TNRC18: variants seen among roughly 807,000 people sequenced by gnomAD.
TNRC18 encodes the protein trinucleotide repeat-containing gene 18 protein.
TNRC18 carries 69 observed loss-of-function variants against 226.7 expected under a neutral mutation model. That is an observed-to-expected ratio of 0.30 (90% CI 0.25 to 0.37). The LOEUF (loss-of-function observed/expected upper bound fraction) is 0.37, where lower values mean the gene tolerates loss of function less well. Among genes scored for constraint, TNRC18 ranks in the 10% least tolerant of loss-of-function variants. The pLI is 1.00. For synonymous variants in TNRC18, 2,449 were observed against 1,927.6 expected (o/e 1.27, Z -7.09); for missense variants, 4,754 against 4,256.6 (o/e 1.12, Z -3.25).
chr7:5,320,290 G>C (rs1354414419), intron 24 of TNRC18, 28 bp downstream of exon 24: 1 of 1,521,938 alleles, frequency 6.6e-7, no homozygotes, highest in Admixed American at 2.0e-5. Flanking sequence ...TTAGGCGGCA[G>C]GGGAGAGCTG....
chr7:5,380,768 C>A (rs1346390145), intron 5 of TNRC18, among the ~76,000 whole-genome samples: 1 of 152,166 alleles, frequency 6.6e-6, no homozygotes, highest in Non-Finnish European at 1.5e-5. Context: ...TCAGGCAGGA[C>A]TGGGGCAACG....
chr7:5,379,095 G>A (rs1779212661), intron 5 of TNRC18, among the ~76,000 whole-genome samples: 1 of 152,084 alleles, frequency 6.6e-6, no homozygotes, highest in Non-Finnish European at 1.5e-5. Flanking sequence ...TACTCAGGAG[G>A]CTGAGGCAGG....
chr7:5,360,265 C>G (rs1792900279), intron 14 of TNRC18, among the ~76,000 whole-genome samples: 1 of 151,908 alleles, frequency 6.6e-6, no homozygotes, highest in African/African-American at 2.4e-5. Flanking sequence ...GAGTCTCACT[C>G]TGTTGCCAGG....
In TNRC18 at chr7:5,312,865, C is replaced by A; in HGVS notation, c.8026G>T (p.Asp2676Tyr). 6.5e-7 allele frequency: 1 copy of A among 1,527,948 alleles called. No individual in the cohort carries two copies. The highest frequency in any genetic ancestry group is 8.8e-7 in the Non-Finnish European group (1 of 1,137,914). 94.6% of individuals were successfully genotyped at this position (1,527,948 alleles called of 1,614,324 possible). The change falls in exon 27 of 30, where the codon GAC becomes TAC. Residue 2676 changes from aspartate to tyrosine, a missense_variant. Coordinates refer to ENST00000430969, the MANE Select transcript of TNRC18 (RefSeq NM_001080495.3). This position sits in a 1 kb window ranked among gnomAD's most constrained non-coding sequence, Gnocchi z 6.3. ...TCATCGTCCGAGCTGCAGGAAGAGTCCTCGTCTGTGGTGGAGGAAGAAGAG... is the reference window on the plus strand; with the variant it reads ...TCATCGTCCGAGCTGCAGGAAGAGTACTCGTCTGTGGTGGAGGAAGAAGAG... ...SSSSSSTTDE[D>Y]SSCSSDDEAA...
chr7:5,353,773 A>G (rs1471604946), intron 16 of TNRC18, among the ~76,000 whole-genome samples: 1 of 152,162 alleles, frequency 6.6e-6, no homozygotes, highest in African/African-American at 2.4e-5. Context: ...AGCGCTCTGC[A>G]GAGCCAGGTG....
intron 24 of TNRC18, among the ~76,000 whole-genome samples, chr7:5,319,341 T>C (rs1417495740): frequency 1.3e-5 from 2 of 151,952 alleles, no homozygotes; most frequent in Non-Finnish European, 2.9e-5. Flanking sequence ...TGAGTGGGCT[T>C]TTTTTTTGCA....
intron 2 of TNRC18, among the ~76,000 whole-genome samples, chr7:5,408,242 C>T (rs535633349): frequency 1.4e-5 from 2 of 147,826 alleles, no homozygotes; most frequent in Non-Finnish European, 3.0e-5. Context: ...GAGGTTGCAG[C>T]GAGCTGAGAT....
intron 2 of TNRC18, among the ~76,000 whole-genome samples, chr7:5,397,678 T>G (rs1780791601): frequency 6.6e-6 from 1 of 151,982 alleles, no homozygotes; most frequent in Non-Finnish European, 1.5e-5. Flanking sequence ...GCCTGGCCCG[T>G]CAGGCACGAA....
At chr7:5,420,477 G>A (rs1316293298) in intron 2 of TNRC18, 3 of 451,458 alleles carry the variant, frequency 6.6e-6, no homozygotes, top group Admixed American at 2.4e-5. Context: ...CGTTCTCCCG[G>A]GGAAGAAAGG....
chr7:5,365,795 T>C (rs182532988), intron 11 of TNRC18, among the ~76,000 whole-genome samples: 2,563 of 151,564 alleles, frequency 0.017, 36 homozygotes, highest in South Asian at 0.038. Flanking sequence ...TTTGGCTGGG[T>C]GTGGTGGCTC....
At chr7:5,353,449 C>T (rs1169235650) in intron 16 of TNRC18, among the ~76,000 whole-genome samples, 2 of 151,810 alleles carry the variant, frequency 1.3e-5, no homozygotes, top group Non-Finnish European at 2.9e-5. Flanking sequence ...ATCCCAGCTA[C>T]TCCGGAGGCT....
chr7:5,339,401 G>A (rs1394930888), intron 18 of TNRC18, among the ~76,000 whole-genome samples: 1 of 151,758 alleles, frequency 6.6e-6, no homozygotes, highest in Non-Finnish European at 1.5e-5. Context: ...AACCACACCT[G>A]GCTAGTTTTT....
At position 5,315,946 on chromosome 7, in the gene TNRC18, T is replaced by C; in HGVS notation, c.6862+10A>G. ...GGCAGGAGACCGGGTGTCATGAGCT[T>C]GTCACTTACACTGTATCTTATAGTC... On this transcript the variant is annotated intron_variant, in intron 25 of 29. Transcript: ENST00000430969. The C allele has an allele frequency of 6.4e-7, 1 of 1,555,610 alleles. No homozygotes were observed. The highest frequency in any genetic ancestry group is 1.4e-5 in the African/African-American group (1 of 71,016).
In TNRC18 at chr7:5,309,433, G is replaced by C; in HGVS notation, c.8389-65C>G. 1.1e-5 allele frequency: 16 copies of C among 1,456,680 alleles called. No homozygotes were observed. Among genetic ancestry groups the C allele is most frequent in the Non-Finnish European group, 1.5e-5 (16 of 1,075,478 alleles). The allele number at this position is 1,456,680 out of a possible 1,614,324, so 90.2% of individuals were successfully genotyped here. ...GCCCCAAGGAGCCCGCCGCCTGGCA[G>C]GCTCTGCCGCTTGGGACTCTGGGCC... On this transcript the variant is annotated intron_variant, in intron 27 of 29. Transcript: ENST00000430969. This position sits in a 1 kb window ranked among gnomAD's most constrained non-coding sequence, Gnocchi z 5.7.
Position 5,408,265 on chromosome 7 carries a change from C to G in TNRC18, c.187+12795G>C, listed in dbSNP as rs538690131. 3.9e-3 allele frequency among the ~76,000 whole-genome samples: 587 copies of G among 148,796 alleles called. 4 individuals are homozygous for G. The highest frequency in any genetic ancestry group is 0.01 in the Middle Eastern group (3 of 288). On this transcript the variant is annotated intron_variant, in intron 2 of 29. Transcript: ENST00000430969. Reference sequence around the variant, plus strand: ...AGCGAGCTGAGATCGTGCCACTGCACTCCAGCCTGGCGACAGAACAAGACT... The same window carrying G: ...AGCGAGCTGAGATCGTGCCACTGCAGTCCAGCCTGGCGACAGAACAAGACT...
intron 10 of TNRC18, 128 bp downstream of exon 10, chr7:5,373,927 T>A (rs879345152): frequency 6.5e-5 from 45 of 697,324 alleles, no homozygotes; most frequent in Non-Finnish European, 9.5e-5. Context: ...GCGGCAGGCC[T>A]GGGACGCAGG....
chr7:5,388,034 C>G lies in TNRC18; in HGVS notation c.1790G>C (p.Arg597Pro). The G allele has an allele frequency of 3.2e-6, 5 of 1,564,802 alleles. No individual in the cohort carries two copies. The highest frequency in any genetic ancestry group is 4.3e-6 in the Non-Finnish European group (5 of 1,155,686). ...ACCAGGGCGCACGGCCACGGCGTCC[C>G]GGGCAAAGCTGCCACTGTACTTTAT... ...SLIKYSGSFA[R>P]DAVAVRPGGC... Residue 597 changes from arginine to proline, a missense_variant, in exon 5 of 30, where the codon CGG (arginine) becomes CCG (proline). Arg to Pro is a moderately radical substitution (Grantham distance 103). Transcript: ENST00000430969.
chr7:5,388,573 C>A lies in TNRC18; in HGVS notation c.1251G>T (p.Pro417=). 1.5e-6 allele frequency: 2 copies of A among 1,301,578 alleles called. No individual in the cohort carries two copies. Among genetic ancestry groups the A allele is most frequent in the Admixed American group, 4.3e-5 (1 of 23,168 alleles). 80.6% of individuals were successfully genotyped at this position (1,301,578 alleles called of 1,614,324 possible). Residue 417 remains proline (P), a synonymous_variant, in exon 5 of 30, where the codon CCG becomes CCT. Transcript: ENST00000430969. ...GGCCCTCGGGCCGGTCCAGAGGCCGCGGGGAGCCGGGGGGCGCCTGCAGGA... is the reference window on the plus strand; with the variant it reads ...GGCCCTCGGGCCGGTCCAGAGGCCGAGGGGAGCCGGGGGGCGCCTGCAGGA... ...PGVLQAPPGS[P]RPLDRPEGLR...
intron 21 of TNRC18, 75 bp from the exon 22 acceptor site, chr7:5,321,265 C>G: frequency 1.8e-6 from 2 of 1,105,358 alleles, no homozygotes; most frequent in Non-Finnish European, 1.3e-6. Flanking sequence ...CCGTTACCCC[C>G]AAGTCATCCC....
Sources: allele counts gnomAD v4.1 joint callset (sites outside exome capture counted in the v4.1 genomes callset), GRCh38; gene constraint gnomAD v4.1.1; non-coding constraint Gnocchi (gnomAD v3.1); transcripts MANE v1.5; gene names NCBI Gene and HGNC (gene_info 2026-07-23, HGNC 2026-07-21).